FAM107B: variants seen among roughly 807,000 people sequenced by gnomAD.
FAM107B encodes protein FAM107B.
FAM107B carries 21 observed loss-of-function variants against 31.5 expected under a neutral mutation model. The ratio of observed to expected loss-of-function variants is 0.67; its 90% CI spans 0.47 to 0.96. The LOEUF (loss-of-function observed/expected upper bound fraction) is 0.96. Among genes scored for constraint, FAM107B ranks in the 40% least tolerant of loss-of-function variants. The pLI, the probability that FAM107B is intolerant of heterozygous loss-of-function variation, is 0.00. For synonymous variants in FAM107B, 157 were observed against 141.5 expected, an observed-to-expected ratio of 1.11 and a Z score of -0.78; for missense variants, 452 against 377.1, an observed-to-expected ratio of 1.20 and a Z score of -1.64.
intron 1 of FAM107B, among the ~76,000 whole-genome samples, chr10:14,710,636 T>A (rs1855624305): frequency 6.6e-6 from 1 of 152,176 alleles, no homozygotes; most frequent in African/African-American, 2.4e-5. Context: ...CCTGGTGACA[T>A]CCTGATGATC....
intron 2 of FAM107B, among the ~76,000 whole-genome samples, chr10:14,603,675 T>C (rs1852478845): frequency 1.3e-5 from 2 of 152,104 alleles, no homozygotes; most frequent in South Asian, 2.1e-4. Flanking sequence ...CACCACCCCA[T>C]ATGCTGGGTT....
chr10:14,559,738 ATT>A (rs56026288), intron 2 of FAM107B, among the ~76,000 whole-genome samples: 107,871 of 142,906 alleles, frequency 0.75, 41,133 homozygotes, highest in East Asian at 0.88. Context: ...CGCCTGGCTA[ATT>A]TTTTTTTTTT....
intron 2 of FAM107B, among the ~76,000 whole-genome samples, chr10:14,581,300 G>T (rs1057495792): frequency 1.3e-5 from 2 of 152,302 alleles, no homozygotes; most frequent in African/African-American, 2.4e-5. Context: ...GAGGCCCTGG[G>T]CAAGCACCTG....
chr10:14,670,390 T>C (rs958743707), intron 1 of FAM107B, among the ~76,000 whole-genome samples: 1 of 152,172 alleles, frequency 6.6e-6, no homozygotes, highest in South Asian at 2.1e-4. Context: ...TATGAATTAA[T>C]AGTATACCAA....
intron 1 of FAM107B, among the ~76,000 whole-genome samples, chr10:14,749,752 G>A (rs368691805): frequency 1.3e-5 from 2 of 152,062 alleles, no homozygotes; most frequent in Non-Finnish European, 2.9e-5. Flanking sequence ...CTACCATCCC[G>A]CTGAAGTCCC....
intron 2 of FAM107B, among the ~76,000 whole-genome samples, chr10:14,620,721 C>G (rs1852989190): frequency 6.6e-6 from 1 of 152,104 alleles, no homozygotes; most frequent in Non-Finnish European, 1.5e-5. Flanking sequence ...GTGATGTTCC[C>G]CTCCCTGTGT....
intron 1 of FAM107B, among the ~76,000 whole-genome samples, chr10:14,731,575 A>G (rs930274370): frequency 1.3e-5 from 2 of 152,138 alleles, no homozygotes; most frequent in Non-Finnish European, 1.5e-5. Context: ...AAATAAATCA[A>G]TAAATAAATG....
chr10:14,723,246 G>T (rs1855954594), intron 1 of FAM107B: 1 of 531,704 alleles, frequency 1.9e-6, no homozygotes, highest in African/African-American at 1.9e-5. Context: ...CTGTGGTGGG[G>T]CCGAGCACTC....
At chr10:14,615,840 C>A (rs1318156826) in intron 2 of FAM107B, among the ~76,000 whole-genome samples, 1 of 152,166 alleles carries the variant, frequency 6.6e-6, no homozygotes, top group Non-Finnish European at 1.5e-5. Context: ...TCCCTAATTA[C>A]CTTGTCAACT....
chr10:14,565,454 C>A (rs1850583886), intron 2 of FAM107B, among the ~76,000 whole-genome samples: 1 of 152,044 alleles, frequency 6.6e-6, no homozygotes. Context: ...AGATACAAAC[C>A]CAGACTCCCC....
intron 1 of FAM107B, among the ~76,000 whole-genome samples, chr10:14,674,108 A>C (rs1010045629): frequency 2.0e-5 from 3 of 152,244 alleles, no homozygotes; most frequent in African/African-American, 2.4e-5. Flanking sequence ...CTCAAAATGC[A>C]TCAAAGACTT....
intron 1 of FAM107B, among the ~76,000 whole-genome samples, chr10:14,735,077 C>G (rs12246518): frequency 0.12 from 17,720 of 152,138 alleles, 1,079 homozygotes; most frequent in African/African-American, 0.15. Flanking sequence ...TCTTGCAAAA[C>G]TAGGTCATAA....
intron 1 of FAM107B, among the ~76,000 whole-genome samples, chr10:14,677,516 C>G (rs190168854): frequency 0.038 from 5,766 of 152,066 alleles, 331 homozygotes; most frequent in African/African-American, 0.13. Flanking sequence ...AGCTACTCGG[C>G]AGGCTGAGGC....
chr10:14,528,721 G>A (rs984931488), intron 3 of FAM107B, among the ~76,000 whole-genome samples: 1 of 152,122 alleles, frequency 6.6e-6, no homozygotes, highest in Non-Finnish European at 1.5e-5. Flanking sequence ...AGAAGAACAG[G>A]CCAGACAAAG....
intron 1 of FAM107B, among the ~76,000 whole-genome samples, chr10:14,709,578 C>T (rs940832909): frequency 6.6e-6 from 1 of 152,188 alleles, no homozygotes; most frequent in African/African-American, 2.4e-5. Context: ...GTTCTTCCCA[C>T]AACATGTGGC....
chr10:14,533,497 C>T (rs946380675), intron 2 of FAM107B, among the ~76,000 whole-genome samples: 1 of 152,182 alleles, frequency 6.6e-6, no homozygotes, highest in South Asian at 2.1e-4. Context: ...GTGCAGCCAG[C>T]GCTCAAGCCT....
chr10:14,642,328 C>T lies in FAM107B; in HGVS notation c.469+25306G>A, dbSNP rs1853649243. 5.3e-5 allele frequency among the ~76,000 whole-genome samples: 8 copies of T among 152,206 alleles called. No homozygotes were observed. The South Asian group carries it at 1.7e-3, about 31-fold the overall frequency. The stretch of plus-strand genomic sequence containing the variant: ...TCAGAAGGCTGTGTCCCCAAGGCTC[C>T]TCTGGATGGTCCTCCTGCAAAGCTT... On this transcript the variant is annotated intron_variant, in intron 2 of 4. Transcript: ENST00000181796.
At chr10:14,583,191 A>G (rs1851708818) in intron 2 of FAM107B, among the ~76,000 whole-genome samples, 1 of 152,150 alleles carries the variant, frequency 6.6e-6, no homozygotes, top group Admixed American at 6.5e-5. Context: ...GATAAATCAT[A>G]CTATTACTAT....
intron 2 of FAM107B, among the ~76,000 whole-genome samples, chr10:14,544,053 C>T (rs1253824899): frequency 2.0e-4 from 30 of 152,148 alleles, no homozygotes; most frequent in Non-Finnish European, 1.3e-4. Flanking sequence ...AAGCTGTATC[C>T]ACCCTCACTC....
Sources: allele counts gnomAD v4.1 joint callset (sites outside exome capture counted in the v4.1 genomes callset), GRCh38; gene constraint gnomAD v4.1.1; transcripts MANE v1.5; gene names NCBI Gene and HGNC (gene_info 2026-07-23, HGNC 2026-07-21).